Variants in PROZ observed in about 807,000 individuals in gnomAD.
The protein encoded by PROZ is vitamin K-dependent protein Z.
PROZ carries 46 observed loss-of-function variants against 34.9 expected under a neutral mutation model. The observed-to-expected ratio is 1.32, with a 90% CI of 1.04 to 1.69. PROZ has a LOEUF of 1.69. Among genes scored for constraint, PROZ ranks in the 40% most tolerant of loss-of-function variants. The pLI, the probability that PROZ is intolerant of heterozygous loss-of-function variation, is 0.00. For missense variants in PROZ, 530 were observed against 520.4 expected (o/e 1.02, Z -0.18); for synonymous variants, 195 against 208.5 (o/e 0.94, Z 0.56).
chr13:113,167,160 C>T (rs2036962104), intron 6 of PROZ, among the ~76,000 whole-genome samples: 1 of 152,176 alleles, frequency 6.6e-6, no homozygotes, highest in African/African-American at 2.4e-5. Flanking sequence ...TTTCTTACAT[C>T]CTAGGGAAGA....
At chr13:113,167,075 A>T (rs1037793550) in intron 6 of PROZ, among the ~76,000 whole-genome samples, 1 of 152,254 alleles carries the variant, frequency 6.6e-6, no homozygotes, top group Admixed American at 6.5e-5. Flanking sequence ...TTTTCCTAAA[A>T]CAAACTTTGA....
Position 113,160,093 on chromosome 13 carries a change from C to A in PROZ, c.150C>A (p.Phe50Leu), listed in dbSNP as rs1199803308. Residue 50 changes from phenylalanine (F) to leucine (L), a missense_variant, in exon 2 of 8, where the codon TTC becomes TTA. Coordinates refer to ENST00000375547, the MANE Select transcript of PROZ (RefSeq NM_003891.3). ...RAGSYLLEEL[F>L]EGNLEKECYE... is the part of the protein sequence containing the mutation. ...GCTCCTATCTTCTGGAAGAACTCTT[C>A]GAGGGAAACTTGGAAAAAGAATGTT... 1 of 1,614,070 alleles carries A rather than the reference C, an allele frequency of 6.2e-7. No individual in the cohort carries two copies. The highest frequency in any genetic ancestry group is 2.2e-5 in the East Asian group (1 of 44,888).
intron 3 of PROZ, among the ~76,000 whole-genome samples, chr13:113,161,358 G>A (rs991173507): frequency 9.9e-5 from 15 of 152,282 alleles, no homozygotes; most frequent in Admixed American, 7.2e-4. Context: ...TCATGGCCCC[G>A]ATGGAGACTT....
intron 4 of PROZ, 74 bp downstream of exon 4, chr13:113,163,196 C>A: frequency 8.1e-7 from 1 of 1,228,780 alleles, no homozygotes; most frequent in Non-Finnish European, 1.2e-6. Context: ...GCCAGAGTCC[C>A]AATGGGCCCC....
chr13:113,159,266 C>G lies in PROZ; in HGVS notation c.70+536C>G. The G allele has an allele frequency of 6.5e-7, 1 of 1,543,022 alleles. No homozygotes were observed. Among genetic ancestry groups the G allele is most frequent in the Middle Eastern group, 1.7e-4 (1 of 5,986 alleles). On this transcript the variant is annotated intron_variant, in intron 1 of 7. Coordinates refer to ENST00000375547, the MANE Select transcript of PROZ (RefSeq NM_003891.3). This position sits in a 1 kb window ranked among gnomAD's most constrained non-coding sequence, Gnocchi z 4.6. The stretch of plus-strand genomic sequence containing the variant: ...CCTGCACAGGCGTCCAGGAAAGCTG[C>G]AAGTCAAAACACCCAGCATCCCCGC...
In PROZ at chr13:113,171,656, C is replaced by T. The variant is rs143760342; in HGVS notation, c.754C>T (p.Arg252Trp). The T allele has an allele frequency of 4.9e-4, 791 of 1,614,084 alleles. 2 individuals carry two copies. The highest frequency in any genetic ancestry group is 6.2e-4 in the Non-Finnish European group (734 of 1,180,034). ...IKITHVHVHM[R>W]YDADAGENDL... is the part of the protein sequence containing the mutation. ...GATAACGCACGTCCATGTGCACATG[C>T]GGTATGACGCGGACGCGGGGGAGAA... is the stretch of plus-strand genomic sequence containing the variant. Residue 252 changes from arginine to tryptophan, a missense_variant, in exon 8 of 8, where the codon CGG (arginine) becomes TGG (tryptophan). Arg to Trp is a moderately radical substitution (Grantham distance 101, BLOSUM62 -3). Coordinates refer to ENST00000375547, the MANE Select transcript of PROZ (RefSeq NM_003891.3). The surrounding 1 kb of genome is among the most constrained non-coding windows in gnomAD (Gnocchi z 5.1).
chr13:113,167,668 T>G (rs1566930539), intron 6 of PROZ, among the ~76,000 whole-genome samples: 1 of 152,232 alleles, frequency 6.6e-6, no homozygotes. Context: ...ATAAAGTGCA[T>G]GTTTAAAAAA....
At chr13:113,161,677 A>G (rs1192636202) in intron 3 of PROZ, among the ~76,000 whole-genome samples, 2 of 152,050 alleles carry the variant, frequency 1.3e-5, no homozygotes, top group East Asian at 1.9e-4. Context: ...TTACATCCGG[A>G]GCGGGGAGCG....
intron 6 of PROZ, among the ~76,000 whole-genome samples, chr13:113,166,660 C>A (rs2036943304): frequency 6.6e-6 from 1 of 152,222 alleles, no homozygotes; most frequent in Non-Finnish European, 1.5e-5. Flanking sequence ...TGGTCTATCA[C>A]CAGCTTTGCA....
At chr13:113,169,903 C>T (rs2037057838) in intron 6 of PROZ, among the ~76,000 whole-genome samples, 1 of 152,258 alleles carries the variant, frequency 6.6e-6, no homozygotes. Context: ...GCTCTCTCCT[C>T]TGCCGGACTC....
chr13:113,171,665 G>A lies in PROZ; in HGVS notation c.763G>A (p.Ala255Thr), dbSNP rs1033969536. The A allele has an allele frequency of 4.3e-6, 7 of 1,614,066 alleles. No individual in the cohort carries two copies. The highest frequency in any genetic ancestry group is 2.2e-5 in the East Asian group (1 of 44,888). ...CGTCCATGTGCACATGCGGTATGACGCGGACGCGGGGGAGAATGACCTGTC... is the reference window on the plus strand; with the variant it reads ...CGTCCATGTGCACATGCGGTATGACACGGACGCGGGGGAGAATGACCTGTC... ...THVHVHMRYD[A>T]DAGENDLSLL... Residue 255 changes from alanine (A) to threonine (T), a missense_variant, in exon 8 of 8, where the codon GCG (alanine) becomes ACG (threonine). By Grantham distance (58) the Ala-to-Thr change is moderately conservative. Transcript: ENST00000375547. This position sits in a 1 kb window ranked among gnomAD's most constrained non-coding sequence, Gnocchi z 5.1.
At chr13:113,170,384 C>A in intron 6 of PROZ, 29 bp from the exon 7 acceptor site, 3 of 1,343,684 alleles carry the variant, frequency 2.2e-6, no homozygotes, top group Non-Finnish European at 3.2e-6. Flanking sequence ...TTGTCACCAG[C>A]TATTTATTGT....
chr13:113,168,067 C>T (rs1227136183), intron 6 of PROZ, among the ~76,000 whole-genome samples: 5 of 152,220 alleles, frequency 3.3e-5, no homozygotes, highest in Admixed American at 2.0e-4. Context: ...CCATTCCTCC[C>T]CTCCTGACCT....
At chr13:113,161,418 A>G (rs548843101) in intron 3 of PROZ, among the ~76,000 whole-genome samples, 40 of 152,266 alleles carry the variant, frequency 2.6e-4, no homozygotes, top group African/African-American at 9.4e-4. Flanking sequence ...GCAACTGCAG[A>G]AGAGCATGGG....
chr13:113,165,599 C>T (rs1480928199), intron 6 of PROZ, among the ~76,000 whole-genome samples: 10 of 152,186 alleles, frequency 6.6e-5, no homozygotes, highest in East Asian at 1.9e-4. Flanking sequence ...GGTCCAGTCC[C>T]GGCTCACTGC....
At chr13:113,165,275 C>G in intron 6 of PROZ, 155 bp downstream of exon 6, 1 of 749,368 alleles carries the variant, frequency 1.3e-6, no homozygotes. Flanking sequence ...ACACTTCCAA[C>G]CATGTTCTAA....
chr13:113,163,260 AG>A, intron 4 of PROZ, 138 bp downstream of exon 4: 6 of 750,696 alleles, frequency 8.0e-6, no homozygotes, highest in Non-Finnish European at 1.4e-5. Context: ...GGCTCACCCC[AG>A]GGGATTCCTC....
Position 113,158,651 on chromosome 13 carries a change from C to G in PROZ, c.-10C>G, listed in dbSNP as rs1384608349. On this transcript the variant is annotated 5_prime_UTR_variant, in exon 1 of 8. Coordinates refer to ENST00000375547, the MANE Select transcript of PROZ (RefSeq NM_003891.3). This position sits in a 1 kb window ranked among gnomAD's most constrained non-coding sequence, Gnocchi z 4.3. Reference sequence around the variant, plus strand: ...GTGTTTGTAGCCCTGTCCCAGCGCTCCGGGTGGGAATGGCAGGCTGCGTCC... The same window carrying G: ...GTGTTTGTAGCCCTGTCCCAGCGCTGCGGGTGGGAATGGCAGGCTGCGTCC... 2 of 1,599,774 alleles carry G rather than the reference C, an allele frequency of 1.3e-6. No individual in the cohort carries two copies. The highest frequency in any genetic ancestry group is 1.7e-6 in the Non-Finnish European group (2 of 1,174,140).
rs760323357 is a variant in PROZ at position 113,171,888 on chromosome 13, A to G, written c.986A>G (p.Gln329Arg). The change falls in exon 8 of 8, where the codon CAG becomes CGG. Residue 329 changes from glutamine (Q) to arginine (R), a missense_variant. Coordinates refer to ENST00000375547, the MANE Select transcript of PROZ (RefSeq NM_003891.3). This position sits in a 1 kb window ranked among gnomAD's most constrained non-coding sequence, Gnocchi z 5.1. Reference sequence around the variant, plus strand: ...CTTGTGGAGGGGGAGGAGTGCGGGCAGGTCCTGAATGTGACTGTCACCACC... The same window carrying G: ...CTTGTGGAGGGGGAGGAGTGCGGGCGGGTCCTGAATGTGACTGTCACCACC... The part of the protein sequence containing the change: ...VTLVEGEECG[Q>R]VLNVTVTTRT... 2 of 1,613,614 alleles carry G rather than the reference A, an allele frequency of 1.2e-6. No individual in the cohort carries two copies. The highest frequency in any genetic ancestry group is 2.2e-5 in the South Asian group (2 of 91,092).
Sources: allele counts gnomAD v4.1 joint callset (sites outside exome capture counted in the v4.1 genomes callset), GRCh38; gene constraint gnomAD v4.1.1; non-coding constraint Gnocchi (gnomAD v3.1); transcripts MANE v1.5; gene names NCBI Gene and HGNC (gene_info 2026-07-23, HGNC 2026-07-21).